CHODL: variants seen among roughly 807,000 people sequenced by gnomAD.
The protein encoded by CHODL is chondrolectin.
CHODL carries 29 observed loss-of-function variants against 34.5 expected under a neutral mutation model. The observed-to-expected ratio is 0.84, with a 90% CI of 0.63 to 1.15. CHODL has a LOEUF of 1.15. CHODL is among the 50% of genes most tolerant of loss of function. The pLI, the probability that CHODL is intolerant of heterozygous loss-of-function variation, is 0.00. For missense variants in CHODL, 332 were observed against 332.5 expected (o/e 1.00, Z 0.01); for synonymous variants, 125 against 116.1 (o/e 1.08, Z -0.49).
chr21:17,919,000 C>G (rs774956436), intron 1 of CHODL, among the ~76,000 whole-genome samples: 4 of 152,240 alleles, frequency 2.6e-5, no homozygotes, highest in Non-Finnish European at 5.9e-5. Flanking sequence ...ATGCCTCACA[C>G]CCAGGTCATG....
intron 1 of CHODL, among the ~76,000 whole-genome samples, chr21:17,950,537 T>TACACACAC (rs1568813369): frequency 1.3e-3 from 55 of 43,986 alleles, no homozygotes; most frequent in African/African-American, 4.2e-3. Context: ...CACACACACT[T>TACACACAC]CTTTAAAGCC....
At chr21:18,265,682 TTAAAA>T (rs2074450599) in intron 5 of CHODL, among the ~76,000 whole-genome samples, 1 of 152,054 alleles carries the variant, frequency 6.6e-6, no homozygotes, top group Admixed American at 6.6e-5. Context: ...AAATAAAAAA[TTAAAA>T]TAACAACAGC....
At chr21:18,119,319 T>C (rs1437767550) in intron 2 of CHODL, among the ~76,000 whole-genome samples, 1 of 151,922 alleles carries the variant, frequency 6.6e-6, no homozygotes, top group African/African-American at 2.4e-5. Flanking sequence ...CAAAGAACTG[T>C]GGAATGTTCC....
At position 18,196,577 on chromosome 21, in the gene CHODL, G is replaced by A. The variant is rs546097246; in HGVS notation, c.-44-59932G>A. Among the ~76,000 whole-genome samples the A allele has an allele frequency of 5.3e-5, 8 of 152,240 alleles. No homozygotes were observed. The South Asian group carries it at 6.2e-4, about 12-fold the overall frequency. On this transcript the variant is annotated intron_variant, in intron 2 of 6. Transcript: ENST00000400127. ...CGCAAACTCAATATGAATCCATTTC[G>A]GAAAGTAGAGTTGTTTAGAGAAATA...
At chr21:18,210,042 C>T (rs565008505) in intron 2 of CHODL, among the ~76,000 whole-genome samples, 56 of 152,208 alleles carry the variant, frequency 3.7e-4, no homozygotes, top group African/African-American at 9.6e-4. Flanking sequence ...CTCTGAGCCC[C>T]GCACAACACC....
intron 2 of CHODL, among the ~76,000 whole-genome samples, chr21:18,143,999 T>C (rs1187434753): frequency 1.3e-5 from 2 of 152,102 alleles, no homozygotes; most frequent in Non-Finnish European, 2.9e-5. Flanking sequence ...ATAACCAACA[T>C]TTTCAGAACT....
chr21:17,936,354 T>C (rs150324428), intron 1 of CHODL, among the ~76,000 whole-genome samples: 1 of 151,428 alleles, frequency 6.6e-6, no homozygotes, highest in East Asian at 1.9e-4. Context: ...AAATAAATCA[T>C]CAAAATGAGG....
chr21:17,987,660 T>TA (rs1480473461), intron 1 of CHODL, among the ~76,000 whole-genome samples: 2 of 152,186 alleles, frequency 1.3e-5, no homozygotes, highest in East Asian at 3.8e-4. Context: ...CTGTTTTCTT[T>TA]GAACACTGAC....
At chr21:18,099,962 TTATCC>T (rs1349590181) in intron 2 of CHODL, 1 of 152,096 alleles carries the variant, frequency 6.6e-6, no homozygotes, top group Non-Finnish European at 1.5e-5. Context: ...GGTCCAGATG[TTATCC>T]ACATATAAAG....
intron 2 of CHODL, among the ~76,000 whole-genome samples, chr21:18,086,908 A>T (rs936865437): frequency 3.9e-5 from 6 of 152,186 alleles, no homozygotes; most frequent in African/African-American, 1.4e-4. Flanking sequence ...ACCCTTGGGC[A>T]GCTGGTGTCA....
intron 2 of CHODL, among the ~76,000 whole-genome samples, chr21:18,104,948 A>G (rs902815930): frequency 7.9e-5 from 12 of 152,224 alleles, no homozygotes; most frequent in Non-Finnish European, 1.6e-4. Flanking sequence ...CTAGAATGCT[A>G]TGACATGATT....
rs115056136 is a variant in CHODL, at chr21:18,043,082, C to T, written c.-45+15111C>T. ...CAAGATTGCTAATGAATCATAGACA[C>T]AGAGAAGGGAAATTGGTTGTATGCT... On this transcript the variant is annotated intron_variant, in intron 2 of 6. Coordinates refer to the CHODL transcript ENST00000400127. Among the ~76,000 whole-genome samples, 285 of 152,018 alleles carry T rather than the reference C, an allele frequency of 1.9e-3. 1 individual carries two copies. Among genetic ancestry groups the T allele is most frequent in the African/African-American group, 6.7e-3 (280 of 41,508 alleles).
chr21:18,247,874 A>G (rs1216395332), intron 1 of CHODL, among the ~76,000 whole-genome samples: 3 of 152,046 alleles, frequency 2.0e-5, no homozygotes, highest in African/African-American at 7.2e-5. Flanking sequence ...CTTTAGGACA[A>G]AGGTAAAAGG....
At chr21:17,938,924 G>C (rs1004221105) in intron 1 of CHODL, among the ~76,000 whole-genome samples, 3 of 151,628 alleles carry the variant, frequency 2.0e-5, no homozygotes, top group African/African-American at 7.3e-5. Context: ...TTTCCACATA[G>C]GTATTATTTA....
rs1051574140 is a variant in CHODL, at chr21:17,917,566, A to T, written c.-145+166A>T. ...AGACTCTGGAGGGGACACTTGGAAG[A>T]GATTCATGCCCTACCCAAGGTGGGG... On this transcript the variant is annotated intron_variant, in intron 1 of 6. Coordinates refer to the CHODL transcript ENST00000400127. Among the ~76,000 whole-genome samples the T allele has an allele frequency of 7.3e-5, 11 of 151,578 alleles. No individual in the cohort carries two copies. The South Asian group carries it at 2.3e-3, about 32-fold the overall frequency.
chr21:18,104,051 C>G (rs2065245945), intron 2 of CHODL, among the ~76,000 whole-genome samples: 1 of 152,146 alleles, frequency 6.6e-6, no homozygotes, highest in Non-Finnish European at 1.5e-5. Context: ...ATATTTCTCT[C>G]CTCTTTTATT....
intron 2 of CHODL, among the ~76,000 whole-genome samples, chr21:18,210,670 C>G (rs2073763208): frequency 6.6e-6 from 1 of 152,124 alleles, no homozygotes; most frequent in Non-Finnish European, 1.5e-5. Context: ...GAAATTTATT[C>G]CTCCTTATCA....
chr21:18,088,339 T>C (rs965507854), intron 2 of CHODL, among the ~76,000 whole-genome samples: 3 of 152,112 alleles, frequency 2.0e-5, no homozygotes, highest in African/African-American at 7.2e-5. Flanking sequence ...CTCTCCCTCG[T>C]TGGAGCAGTG....
At chr21:18,248,709 A>AC (rs1555885898) in intron 1 of CHODL, among the ~76,000 whole-genome samples, 2,322 of 117,376 alleles carry the variant, frequency 0.02, 106 homozygotes, top group African/African-American at 0.087. Flanking sequence ...ATATGTATAT[A>AC]ATATATACAT....
Sources: gnomAD v4.1 joint callset for allele counts (sites outside exome capture counted in the v4.1 genomes callset) on GRCh38, gnomAD v4.1.1 for gene constraint, MANE v1.5 for transcripts, NCBI Gene and HGNC (gene_info 2026-07-23, HGNC 2026-07-21) for gene names.